LRRC8A: variants seen among roughly 807,000 people sequenced by gnomAD.
The protein encoded by LRRC8A is leucine rich repeat containing 8 VRAC subunit A.
In LRRC8A, 24 loss-of-function variants were observed where a neutral mutation model predicts 52.5. That is an observed-to-expected ratio of 0.46 (90% CI 0.33 to 0.64). The LOEUF is 0.64. Ranked by LOEUF, LRRC8A falls within the 30% of genes least tolerant of loss-of-function variation. The pLI is 0.02. For synonymous variants in LRRC8A, 492 were observed against 494.2 expected (o/e 1.00, Z 0.06); for missense variants, 677 against 1,094.7 (o/e 0.62, Z 5.38).
intron 2 of LRRC8A, among the ~76,000 whole-genome samples, chr9:128,904,113 CT>C (rs1050529718): frequency 5.3e-5 from 8 of 152,180 alleles, no homozygotes; most frequent in African/African-American, 1.9e-4. Context: ...CTGGGCACCC[CT>C]GTTCCTCTCC....
intron 1 of LRRC8A, chr9:128,882,718 C>A (rs150331308): frequency 2.0e-5 from 8 of 398,848 alleles, no homozygotes; most frequent in Non-Finnish European, 3.5e-5. Flanking sequence ...TCCTTCCTAT[C>A]GTTCCGATGG....
intron 2 of LRRC8A, among the ~76,000 whole-genome samples, chr9:128,890,456 C>T (rs918451657): frequency 6.6e-6 from 1 of 152,192 alleles, no homozygotes; most frequent in Non-Finnish European, 1.5e-5. Flanking sequence ...ACCTGGACGC[C>T]GTCAGAGTGC....
In LRRC8A at chr9:128,907,146, C is replaced by T. The variant is rs7860319; in HGVS notation, c.-8-11C>T. ...CCCTGTGCTAACCCCCCTCCTATGG[C>T]TCCCTTTTAGGTTGAACCATGATTC... On this transcript the variant is annotated splice_polypyrimidine_tract_variant and intron_variant, in intron 2 of 3. Coordinates refer to ENST00000372600, the MANE Select transcript of LRRC8A (RefSeq NM_019594.4). The surrounding 1 kb of genome is among the most constrained non-coding windows in gnomAD (Gnocchi z 9.3). 7,488 of 1,590,410 alleles carry T rather than the reference C, an allele frequency of 4.7e-3. 305 individuals carry two copies. In the African/African-American group the frequency reaches 0.087, roughly 18 times the overall value.
intron 2 of LRRC8A, among the ~76,000 whole-genome samples, chr9:128,904,835 A>G (rs1002642214): frequency 1.3e-5 from 2 of 151,870 alleles, no homozygotes; most frequent in Non-Finnish European, 2.9e-5. Context: ...TCTACTAAAA[A>G]TACAAAAAAA....
At chr9:128,888,013 GC>G (rs1371359586) in intron 2 of LRRC8A, among the ~76,000 whole-genome samples, 2 of 152,094 alleles carry the variant, frequency 1.3e-5, no homozygotes, top group Non-Finnish European at 2.9e-5. Context: ...ACACCCTTGA[GC>G]CCCCCTGGCC....
At chr9:128,893,430 A>C (rs1839703879) in intron 2 of LRRC8A, among the ~76,000 whole-genome samples, 1 of 152,052 alleles carries the variant, frequency 6.6e-6, no homozygotes, top group South Asian at 2.1e-4. Flanking sequence ...CACAGCTATA[A>C]CCCATTTTAG....
At position 128,908,032 on chromosome 9, in the gene LRRC8A, A is replaced by G; in HGVS notation, c.868A>G (p.Lys290Glu). 2 of 1,613,932 alleles carry G rather than the reference A, an allele frequency of 1.2e-6. No homozygotes were observed. Among genetic ancestry groups the G allele is most frequent in the Non-Finnish European group, 1.7e-6 (2 of 1,179,990 alleles). Residue 290 changes from lysine to glutamate, a missense_variant, in exon 3 of 4, where the codon AAG becomes GAG. Lys to Glu is a moderately conservative substitution (Grantham distance 56). Around this residue, in one of 4 missense-constraint regions of LRRC8A, gnomAD observed 422 missense variants for 741.5 expected, o/e 0.57. Coordinates refer to ENST00000372600, the MANE Select transcript of LRRC8A (RefSeq NM_019594.4). Reference protein sequence around the residue: ...CYTVYYVHNIKFDVDCTVDIE... With the variant: ...CYTVYYVHNIEFDVDCTVDIE... ...CACCGTCTACTACGTGCACAACATC[A>G]AGTTCGACGTGGACTGCACCGTGGA...
In LRRC8A at chr9:128,892,202, G is replaced by A. The variant is rs1200599593; in HGVS notation, c.-9+6081G>A. On this transcript the variant is annotated intron_variant, in intron 2 of 3. Transcript: ENST00000372600. This position sits in a 1 kb window ranked among gnomAD's most constrained non-coding sequence, Gnocchi z 5.2. ...CTATGCATGAAGGTTGGGAGATGGG[G>A]CAAGGACATACTGGGCACTTAGTTG... Among the ~76,000 whole-genome samples the A allele has an allele frequency of 6.6e-6, 1 of 152,210 alleles. No homozygotes were observed. The highest frequency in any genetic ancestry group is 2.4e-5 in the African/African-American group (1 of 41,460).
chr9:128,890,468 A>G (rs1465938842), intron 2 of LRRC8A, among the ~76,000 whole-genome samples: 3 of 152,156 alleles, frequency 2.0e-5, no homozygotes, highest in Non-Finnish European at 4.4e-5. Flanking sequence ...TCAGAGTGCC[A>G]CTGCCAAACC....
At chr9:128,888,425 G>A (rs1261753915) in intron 2 of LRRC8A, among the ~76,000 whole-genome samples, 1 of 152,134 alleles carries the variant, frequency 6.6e-6, no homozygotes, top group Non-Finnish European at 1.5e-5. Flanking sequence ...GTTCTCCTGA[G>A]CCCAGCCCTT....
At chr9:128,904,184 G>A (rs1840143531) in intron 2 of LRRC8A, among the ~76,000 whole-genome samples, 1 of 152,114 alleles carries the variant, frequency 6.6e-6, no homozygotes. Flanking sequence ...AAAAATCTAG[G>A]TTCTGGGTTA....
rs1411792663 is a variant in LRRC8A, at chr9:128,909,124, A to C, written c.1960A>C (p.Ile654Leu). The C allele has an allele frequency of 6.2e-7, 1 of 1,613,920 alleles. No homozygotes were observed. The highest frequency in any genetic ancestry group is 8.5e-7 in the Non-Finnish European group (1 of 1,180,000). Residue 654 changes from isoleucine (I) to leucine (L), a missense_variant, in exon 3 of 4, where the codon ATC becomes CTC. By Grantham distance (5) the Ile-to-Leu change is conservative. Transcript: ENST00000372600. ...GCTGTGGTACAACCACATCGCCTAC[A>C]TCCCCATCCAGATCGGCAACCTCAC... ...LKLWYNHIAY[I>L]PIQIGNLTNL...
At chr9:128,897,574 T>G (rs1333633333) in intron 2 of LRRC8A, among the ~76,000 whole-genome samples, 1 of 151,990 alleles carries the variant, frequency 6.6e-6, no homozygotes, top group Non-Finnish European at 1.5e-5. Context: ...GAGACAGTTT[T>G]ATTCTTGTTG....
At chr9:128,898,985 C>T (rs940838709) in intron 2 of LRRC8A, among the ~76,000 whole-genome samples, 1 of 152,226 alleles carries the variant, frequency 6.6e-6, no homozygotes, top group Non-Finnish European at 1.5e-5. Context: ...CAGCTGGAGG[C>T]CAGAACAGTC....
Position 128,916,257 on chromosome 9 carries a change from G to A in LRRC8A, c.2319G>A (p.Leu773=). ...GGCTGGAGTGCCTGCCTGTGGAGCTGGGCGAGTGCCCACTGCTCAAGCGCA... is the reference window on the plus strand; with the variant it reads ...GGCTGGAGTGCCTGCCTGTGGAGCTAGGCGAGTGCCCACTGCTCAAGCGCA... ...GNRLECLPVE[L]GECPLLKRSG... is the part of the protein sequence containing the mutation. The change falls in exon 4 of 4, where the codon CTG becomes CTA. Residue 773 remains leucine, a synonymous_variant. Coordinates refer to ENST00000372600, the MANE Select transcript of LRRC8A (RefSeq NM_019594.4). This position sits in a 1 kb window ranked among gnomAD's most constrained non-coding sequence, Gnocchi z 6.1. 2 of 1,613,834 alleles carry A rather than the reference G, an allele frequency of 1.2e-6. No homozygotes were observed. The highest frequency in any genetic ancestry group is 1.7e-6 in the Non-Finnish European group (2 of 1,179,968).
At chr9:128,900,075 C>T (rs1300722341) in intron 2 of LRRC8A, among the ~76,000 whole-genome samples, 1 of 152,184 alleles carries the variant, frequency 6.6e-6, no homozygotes, top group Non-Finnish European at 1.5e-5. Context: ...TGGGCAGGTC[C>T]TTGCACTGGG....
Position 128,909,038 on chromosome 9 carries a change from A to T in LRRC8A, c.1874A>T (p.Asn625Ile), listed in dbSNP as rs1840381271. 3 of 1,614,080 alleles carry T rather than the reference A, an allele frequency of 1.9e-6. No individual in the cohort carries two copies. The highest frequency in any genetic ancestry group is 2.5e-6 in the Non-Finnish European group (3 of 1,180,016). ...CAGGAGATTGACCTCAAGGACAACAACCTCAAGACCATCGAGGAGATCATC... is the reference window on the plus strand; with the variant it reads ...CAGGAGATTGACCTCAAGGACAACATCCTCAAGACCATCGAGGAGATCATC... ...NLQEIDLKDNNLKTIEEIISF... is the reference protein window; with the variant it reads ...NLQEIDLKDNILKTIEEIISF... The change falls in exon 3 of 4, where the codon AAC becomes ATC. Residue 625 changes from asparagine (N) to isoleucine (I), a missense_variant. This residue lies in a region of LRRC8A where 422 missense variants were observed against 741.5 expected (regional missense o/e 0.57). Coordinates refer to ENST00000372600, the MANE Select transcript of LRRC8A (RefSeq NM_019594.4).
chr9:128,917,143 A>G lies in LRRC8A; in HGVS notation c.*772A>G, dbSNP rs1326331876. The G allele has an allele frequency of 3.3e-5, 5 of 150,180 alleles. No individual in the cohort carries two copies. Among genetic ancestry groups the G allele is most frequent in the African/African-American group, 1.2e-4 (5 of 40,740 alleles). The allele number at this position is 150,180 out of a possible 1,614,324, so 9.3% of individuals were successfully genotyped here. A position where few individuals can be genotyped will look rare whatever the true frequency, so the allele number is the denominator to read the frequency against. ...TAAAAAAAAAAAGACACTAACGGCC[A>G]GTGAGTTGGAGTCTCAGGGCAGGGT... On this transcript the variant is annotated 3_prime_UTR_variant, in exon 4 of 4. Coordinates refer to ENST00000372600, the MANE Select transcript of LRRC8A (RefSeq NM_019594.4).
At chr9:128,890,130 T>TGTGTGTGTGTGTGTG (rs1839548910) in intron 2 of LRRC8A, among the ~76,000 whole-genome samples, 4 of 128,210 alleles carry the variant, frequency 3.1e-5, no homozygotes, top group Non-Finnish European at 6.5e-5. Context: ...TGGCTTCATT[T>TGTGTGTGTGTGTGTG]TGTGTGTGTG....
Sources: allele counts gnomAD v4.1 joint callset (sites outside exome capture counted in the v4.1 genomes callset), GRCh38; gene constraint gnomAD v4.1.1; regional missense constraint gnomAD v4.1.1; non-coding constraint Gnocchi (gnomAD v3.1); transcripts MANE v1.5; gene names NCBI Gene and HGNC (gene_info 2026-07-23, HGNC 2026-07-21).